Variants in PACSIN1 observed in about 807,000 individuals in gnomAD.
PACSIN1 encodes the protein protein kinase C and casein kinase substrate in neurons protein 1.
Under a neutral mutation model 59.5 loss-of-function variants are expected in PACSIN1, and 15 were observed. The observed-to-expected ratio is 0.25, with a 90% CI of 0.17 to 0.39. The LOEUF (loss-of-function observed/expected upper bound fraction) is 0.39. Ranked by LOEUF, PACSIN1 falls within the 10% of genes least tolerant of loss-of-function variation. The pLI, the probability that PACSIN1 is intolerant of heterozygous loss-of-function variation, is 1.00. For missense variants in PACSIN1, 420 were observed against 580.2 expected, an observed-to-expected ratio of 0.72 and a Z score of 2.84; for synonymous variants, 210 against 220.6, an observed-to-expected ratio of 0.95 and a Z score of 0.42.
chr6:34,466,454 C>T (rs1766497920), intron 1 of PACSIN1, among the ~76,000 whole-genome samples, 184 bp downstream of exon 1: 1 of 152,162 alleles, frequency 6.6e-6, no homozygotes, highest in African/African-American at 2.4e-5. Flanking sequence ...GGACGGAGTT[C>T]GCGGGCATCA....
chr6:34,476,204 C>T (rs887305153), intron 1 of PACSIN1, among the ~76,000 whole-genome samples: 3 of 152,212 alleles, frequency 2.0e-5, no homozygotes, highest in African/African-American at 7.2e-5. Context: ...ATAATGACAA[C>T]ACGATGTCTG....
rs1458140810 is a variant in PACSIN1 at position 34,533,424 on chromosome 6, C to A, written c.*894C>A. On this transcript the variant is annotated 3_prime_UTR_variant, in exon 10 of 10. Transcript: ENST00000244458. The stretch of plus-strand genomic sequence containing the variant: ...GGGGACCCCCAAACCTACGGCAAAG[C>A]CAGCAACAGTAGCAGCCTGCTCCCA... 6.6e-6 allele frequency: 1 copy of A among 152,336 alleles called. No individual in the cohort carries two copies. The highest frequency in any genetic ancestry group is 1.5e-5 in the Non-Finnish European group (1 of 68,120). 9.4% of individuals were successfully genotyped at this position (152,336 alleles called of 1,614,324 possible). A position where few individuals can be genotyped will look rare whatever the true frequency, so the allele number is the denominator to read the frequency against.
At chr6:34,486,002 G>T (rs951058171) in intron 1 of PACSIN1, among the ~76,000 whole-genome samples, 2 of 152,156 alleles carry the variant, frequency 1.3e-5, no homozygotes, top group Non-Finnish European at 2.9e-5. Context: ...GCACTGGGTG[G>T]TCTAGGGGGC....
chr6:34,472,720 T>C (rs1766588972), intron 1 of PACSIN1, among the ~76,000 whole-genome samples: 1 of 151,840 alleles, frequency 6.6e-6, no homozygotes, highest in Non-Finnish European at 1.5e-5. Flanking sequence ...CCCAGGCCTG[T>C]GGTGCCTGAA....
At chr6:34,489,710 C>T (rs1766847115) in intron 1 of PACSIN1, among the ~76,000 whole-genome samples, 1 of 152,224 alleles carries the variant, frequency 6.6e-6, no homozygotes, top group Admixed American at 6.5e-5. Flanking sequence ...GGACTCCACT[C>T]ATCACCTGCC....
At chr6:34,503,561 C>T (rs1459702345) in intron 1 of PACSIN1, among the ~76,000 whole-genome samples, 3 of 152,188 alleles carry the variant, frequency 2.0e-5, no homozygotes, top group African/African-American at 4.8e-5. Context: ...GTACCCTTGC[C>T]CTATTTAATT....
intron 1 of PACSIN1, among the ~76,000 whole-genome samples, chr6:34,475,178 G>A (rs1766621267): frequency 6.6e-6 from 1 of 152,140 alleles, no homozygotes; most frequent in Non-Finnish European, 1.5e-5. Context: ...AGCATTCCAT[G>A]AAGGCAGGGT....
chr6:34,470,611 C>T (rs1178449527), intron 1 of PACSIN1, among the ~76,000 whole-genome samples: 1 of 22,276 alleles, frequency 4.5e-5, no homozygotes, highest in Non-Finnish European at 8.5e-5. Context: ...ACCTCCCGGG[C>T]CCAAGGGATC....
At chr6:34,485,900 G>A (rs1484823908) in intron 1 of PACSIN1, among the ~76,000 whole-genome samples, 2 of 152,294 alleles carry the variant, frequency 1.3e-5, no homozygotes, top group Non-Finnish European at 1.5e-5. Flanking sequence ...GAAAGGCTTC[G>A]GAGGGAGTGG....
intron 1 of PACSIN1, among the ~76,000 whole-genome samples, chr6:34,503,783 T>C (rs1767063622): frequency 1.3e-5 from 2 of 152,340 alleles, no homozygotes; most frequent in East Asian, 1.9e-4. Flanking sequence ...ATTTTTAAAA[T>C]TGAAGTATAA....
intron 1 of PACSIN1, among the ~76,000 whole-genome samples, chr6:34,506,736 G>T (rs1767121762): frequency 6.6e-6 from 1 of 152,164 alleles, no homozygotes; most frequent in Non-Finnish European, 1.5e-5. Context: ...TGGCACCAGT[G>T]ATCCCTCCCT....
chr6:34,503,261 C>G (rs1238445533), intron 1 of PACSIN1, among the ~76,000 whole-genome samples: 1 of 118,024 alleles, frequency 8.5e-6, no homozygotes, highest in Non-Finnish European at 2.1e-5. Context: ...AGAGCGAGAT[C>G]CTGTCAAAAA....
Position 34,468,347 on chromosome 6 carries a change from T to C in PACSIN1, c.-64+2077T>C, listed in dbSNP as rs555026173. Among the ~76,000 whole-genome samples the C allele has an allele frequency of 2.8e-3, 429 of 152,282 alleles. 4 individuals are homozygous for C. Among genetic ancestry groups the C allele is most frequent in the African/African-American group, 9.8e-3 (406 of 41,568 alleles). On this transcript the variant is annotated intron_variant, in intron 1 of 9. Transcript: ENST00000244458. ...TGGGTGGCTCTTTGGTCCTGGGGAATAGAGGGAAAGCCCAAGAAGGGACTC... is the reference window on the plus strand; with the variant it reads ...TGGGTGGCTCTTTGGTCCTGGGGAACAGAGGGAAAGCCCAAGAAGGGACTC...
At chr6:34,527,226 C>A in intron 2 of PACSIN1, 106 bp from the exon 3 acceptor site, 1 of 1,052,786 alleles carries the variant, frequency 9.5e-7, no homozygotes, top group Non-Finnish European at 1.2e-6. Flanking sequence ...AGGCCGTAAG[C>A]GGGGAGGCGG....
At chr6:34,507,733 C>G (rs151212004) in intron 1 of PACSIN1, among the ~76,000 whole-genome samples, 1 of 152,302 alleles carries the variant, frequency 6.6e-6, no homozygotes, top group Non-Finnish European at 1.5e-5. Context: ...CCTCTGGCAA[C>G]CACCATTCTC....
At chr6:34,470,637 C>A (rs1264767279) in intron 1 of PACSIN1, among the ~76,000 whole-genome samples, 2 of 152,166 alleles carry the variant, frequency 1.3e-5, no homozygotes, top group Non-Finnish European at 2.9e-5. Context: ...ATTCAGCCTC[C>A]TGAGTAGCTG....
intron 1 of PACSIN1, among the ~76,000 whole-genome samples, chr6:34,490,220 T>C (rs967490210): frequency 1.4e-5 from 2 of 140,902 alleles, no homozygotes; most frequent in African/African-American, 5.5e-5. Flanking sequence ...CTGGCTAATT[T>C]AAAAACTTTT....
intron 1 of PACSIN1, among the ~76,000 whole-genome samples, chr6:34,487,292 C>G (rs1013809677): frequency 6.6e-6 from 1 of 152,302 alleles, no homozygotes; most frequent in East Asian, 1.9e-4. Context: ...CCTGCTCCTT[C>G]CCAGTTAATG....
chr6:34,472,372 G>A (rs1329684798), intron 1 of PACSIN1, among the ~76,000 whole-genome samples: 3 of 150,404 alleles, frequency 2.0e-5, no homozygotes, highest in Non-Finnish European at 4.4e-5. Flanking sequence ...ACATAACAAT[G>A]TGTAGAAGGC....
Sources: allele counts gnomAD v4.1 joint callset (sites outside exome capture counted in the v4.1 genomes callset), GRCh38; gene constraint gnomAD v4.1.1; transcripts MANE v1.5; gene names NCBI Gene and HGNC (gene_info 2026-07-23, HGNC 2026-07-21).